The following ARHGAP36 variants were observed in gnomAD, a reference collection of about 807,000 sequenced individuals.
The protein encoded by ARHGAP36 is Rho GTPase activating protein 36.
Under a neutral mutation model 32.9 loss-of-function variants are expected in ARHGAP36, and 7 were observed. That is an observed-to-expected ratio of 0.21 (90% CI 0.12 to 0.40). ARHGAP36 has a LOEUF of 0.40. Ranked by LOEUF, ARHGAP36 falls within the 10% of genes least tolerant of loss-of-function variation. ARHGAP36 has a pLI of 1.00. For synonymous variants in ARHGAP36, 165 were observed against 168.3 expected (o/e 0.98, Z 0.15); for missense variants, 383 against 442.2 (o/e 0.87, Z 1.20).
chrX:131,088,594 A>G (rs1303734106), intron 11 of ARHGAP36, 34 bp from the exon 12 acceptor site: 1 of 1,197,078 alleles, frequency 8.4e-7, no homozygotes, highest in Non-Finnish European at 1.1e-6. Flanking sequence ...AAAGTCTAGA[A>G]ACATAAGGAG....
intron 5 of ARHGAP36, 68 bp downstream of exon 5, chrX:131,084,475 G>A: frequency 8.6e-7 from 1 of 1,158,087 alleles, no homozygotes; most frequent in Non-Finnish European, 1.2e-6. Context: ...TCTGGAAATG[G>A]GGGGAGAAAA....
At position 131,058,414 on chromosome X, in the gene ARHGAP36, G is replaced by C; in HGVS notation, c.-173G>C. 9.1e-7 allele frequency: 1 copy of C among 1,100,362 alleles called. No homozygotes were observed. 90.7% of individuals were successfully genotyped at this position (1,100,362 alleles called of 1,213,427 possible). ...GGCGTGGATACTGGACTGCCTTTTC[G>C]CCTCGGCCTTTGAGCCCCGCCCCCG... On this transcript the variant is annotated 5_prime_UTR_variant, in exon 1 of 12. Coordinates refer to ENST00000276211, the MANE Select transcript of ARHGAP36 (RefSeq NM_144967.4).
In ARHGAP36 at chrX:131,081,613, C is replaced by T. The variant is rs764427144; in HGVS notation, c.-53C>T. The T allele has an allele frequency of 8.5e-7, 1 of 1,176,492 alleles. No homozygotes were observed. The highest frequency in any genetic ancestry group is 1.1e-6 in the Non-Finnish European group (1 of 877,366). On this transcript the variant is annotated 5_prime_UTR_variant, in exon 2 of 12. Transcript: ENST00000276211. ...ACCCCCACCCCCATAGTTCTCTCCA[C>T]CAGGTCCAGTGACAATTGGATGATG...
chrX:131,086,683 G>A lies in ARHGAP36; in HGVS notation c.1486+18G>A, dbSNP rs1291882697. 5.0e-6 allele frequency: 6 copies of A among 1,197,412 alleles called. No homozygotes were observed. Among genetic ancestry groups the A allele is most frequent in the Non-Finnish European group, 6.8e-6 (6 of 883,679 alleles). ...TGATGAAGGTCAGTTCCCTGCTGGA[G>A]GTCAGGCCCTTGCTGAAGGTCAGTC... On this transcript the variant is annotated intron_variant, in intron 11 of 11. Coordinates refer to ENST00000276211, the MANE Select transcript of ARHGAP36 (RefSeq NM_144967.4).
At chrX:131,085,513 G>A in intron 7 of ARHGAP36, 75 bp from the exon 8 acceptor site, 1 of 1,116,882 alleles carries the variant, frequency 9.0e-7, no homozygotes, top group Non-Finnish European at 1.2e-6. Flanking sequence ...GTTTCAAGCA[G>A]AATCTCACCT....
At chrX:131,060,041 C>T (rs2079660407) in intron 1 of ARHGAP36, among the ~76,000 whole-genome samples, 3 of 111,556 alleles carry the variant, frequency 2.7e-5, no homozygotes, top group African/African-American at 9.8e-5. Context: ...ACCTTCTGGC[C>T]CTGGCATTGA....
intron 1 of ARHGAP36, 103 bp from the exon 2 acceptor site, chrX:131,081,421 A>C (rs1489372156): frequency 1.1e-5 from 6 of 540,125 alleles, no homozygotes; most frequent in Non-Finnish European, 1.5e-5. Flanking sequence ...TTTTCTTCTT[A>C]TTTTCTCTCT....
chrX:131,063,979 A>ATCTT (rs1367268223), intron 1 of ARHGAP36, among the ~76,000 whole-genome samples: 1 of 112,250 alleles, frequency 8.9e-6, no homozygotes, highest in Non-Finnish European at 1.9e-5. Context: ...GAACCATCAT[A>ATCTT]TCTTTCTCTA....
At chrX:131,068,470 C>T (rs2079713164) in intron 1 of ARHGAP36, among the ~76,000 whole-genome samples, 1 of 111,965 alleles carries the variant, frequency 8.9e-6, no homozygotes. Flanking sequence ...AAAATCCAGG[C>T]GGAACCCAGG....
intron 1 of ARHGAP36, among the ~76,000 whole-genome samples, chrX:131,068,651 G>T (rs1307570747): frequency 1.0e-5 from 1 of 99,040 alleles, no homozygotes; most frequent in African/African-American, 3.8e-5. Context: ...GCCAGGACAT[G>T]TGCTTCTCTC....
At chrX:131,070,856 G>A (rs1046168658) in intron 1 of ARHGAP36, among the ~76,000 whole-genome samples, 5 of 108,622 alleles carry the variant, frequency 4.6e-5, no homozygotes, top group African/African-American at 1.7e-4. Context: ...ATGTACTCAG[G>A]TTCAAATCGT....
chrX:131,071,014 C>T (rs1383635374), intron 1 of ARHGAP36, among the ~76,000 whole-genome samples: 1 of 110,616 alleles, frequency 9.0e-6, no homozygotes. Context: ...GCAAGCGTCA[C>T]CAGAAAGACG....
At chrX:131,068,187 C>G (rs2079710913) in intron 1 of ARHGAP36, among the ~76,000 whole-genome samples, 1 of 112,048 alleles carries the variant, frequency 8.9e-6, no homozygotes, top group African/African-American at 3.2e-5. Context: ...CACACACCCC[C>G]CACACCCGGC....
chrX:131,066,199 G>A (rs1569364198), intron 1 of ARHGAP36, among the ~76,000 whole-genome samples: 1 of 112,450 alleles, frequency 8.9e-6, no homozygotes, highest in Non-Finnish European at 1.9e-5. Flanking sequence ...TCTTTTCTGA[G>A]GGAGAGGCTC....
At chrX:131,077,825 A>G (rs982180464) in intron 1 of ARHGAP36, among the ~76,000 whole-genome samples, 2 of 103,214 alleles carry the variant, frequency 1.9e-5, no homozygotes, top group Non-Finnish European at 3.9e-5. Context: ...ACAATGTAGA[A>G]TTGGATGGCT....
chrX:131,088,604 G>A, intron 11 of ARHGAP36, 24 bp from the exon 12 acceptor site: 4 of 1,203,139 alleles, frequency 3.3e-6, no homozygotes, highest in Non-Finnish European at 4.5e-6. Flanking sequence ...AACATAAGGA[G>A]TTAACATTGT....
Position 131,084,637 on chromosome X carries a change from G to A in ARHGAP36, c.760G>A (p.Val254Met). ...GTCTTTTCTTTCAGGCTTAAGCGCA[G>A]TGGGGATTTTTACCCTTGAATACTC... ...QFIEKHGLSA[V>M]GIFTLEYSVQ... Residue 254 changes from valine (V) to methionine (M), a missense_variant, in exon 6 of 12, where the codon GTG becomes ATG. By Grantham distance (21) the Val-to-Met change is conservative (BLOSUM62 1). Transcript: ENST00000276211. The A allele has an allele frequency of 8.3e-7, 1 of 1,212,038 alleles. No individual in the cohort carries two copies. Among genetic ancestry groups the A allele is most frequent in the Non-Finnish European group, 1.1e-6 (1 of 895,544 alleles).
chrX:131,083,034 T>C, intron 2 of ARHGAP36, 131 bp from the exon 3 acceptor site: 1 of 575,828 alleles, frequency 1.7e-6, no homozygotes, highest in Non-Finnish European at 2.7e-6. Context: ...AGCAAATTAC[T>C]TTTCGCCCGC....
intron 11 of ARHGAP36, 132 bp downstream of exon 11, chrX:131,086,797 G>A: frequency 2.0e-6 from 1 of 491,564 alleles, no homozygotes; most frequent in Non-Finnish European, 3.4e-6. Context: ...GGAAGATGAA[G>A]AGCTAGTATT....
Sources: gnomAD v4.1 joint callset for allele counts (sites outside exome capture counted in the v4.1 genomes callset) on GRCh38, gnomAD v4.1.1 for gene constraint, MANE v1.5 for transcripts, NCBI Gene and HGNC (gene_info 2026-07-23, HGNC 2026-07-21) for gene names.